KIF26B: variants seen among roughly 807,000 people sequenced by gnomAD.
KIF26B encodes the protein kinesin family member 26B, also known as kinesin-like protein KIF26B.
A neutral mutation model predicts 151.2 loss-of-function variants in KIF26B; 63 were observed. That is an observed-to-expected ratio of 0.42 (90% confidence interval 0.34 to 0.51). The LOEUF (loss-of-function observed/expected upper bound fraction) is 0.51, where lower values mean the gene tolerates loss of function less well. KIF26B is among the 20% of genes least tolerant of loss of function. KIF26B has a pLI of 0.07. For synonymous variants in KIF26B, 1,357 were observed against 1,262.1 expected, an observed-to-expected ratio of 1.08 and a Z score of -1.59; for missense variants, 2,813 against 2,913.6, an observed-to-expected ratio of 0.97 and a Z score of 0.79.
rs1172397969 is a variant in KIF26B at position 245,374,059 on chromosome 1, CAAAAAAAAAAAAAAAAAAA to C, written c.999+6710_999+6728del. Among the ~76,000 whole-genome samples, 102 of 17,492 alleles carry C rather than the reference CAAAAAAAAAAAAAAAAAAA, an allele frequency of 5.8e-3. 4 individuals are homozygous for C. Among genetic ancestry groups the C allele is most frequent in the East Asian group, 0.055 (22 of 402 alleles). The allele number at this position is 17,492 out of a possible 152,430, so 11.5% of individuals were successfully genotyped here. ...GTGACAGAGACCCGAGAACCTATCT[CAAAAAAAAAAAAAAAAAAA>C]AAAAAAAAAAAAAAAAATATATATA... On this transcript the variant is annotated intron_variant, in intron 3 of 14. Coordinates refer to ENST00000407071, the MANE Select transcript of KIF26B (RefSeq NM_018012.4).
chr1:245,264,964 C>A (rs1436924877), intron 2 of KIF26B, among the ~76,000 whole-genome samples: 1 of 151,392 alleles, frequency 6.6e-6, no homozygotes, highest in Admixed American at 6.6e-5. Flanking sequence ...CTTTGGGAGG[C>A]CGAGGCGGGC....
At chr1:245,187,677 C>T (rs1403952810) in intron 2 of KIF26B, among the ~76,000 whole-genome samples, 2 of 152,040 alleles carry the variant, frequency 1.3e-5, no homozygotes. Flanking sequence ...TTGGAAGGCT[C>T]TTGGTGTTTC....
intron 2 of KIF26B, among the ~76,000 whole-genome samples, chr1:245,215,117 C>T (rs1390472941): frequency 3.3e-5 from 5 of 152,108 alleles, no homozygotes; most frequent in African/African-American, 4.8e-5. Context: ...CTTTCCCTTC[C>T]CAGACTAAAG....
At chr1:245,202,772 A>AC (rs948214146) in intron 2 of KIF26B, among the ~76,000 whole-genome samples, 3 of 149,060 alleles carry the variant, frequency 2.0e-5, no homozygotes, top group African/African-American at 7.4e-5. Context: ...AAAAAAAAAA[A>AC]AAAAAAAATA....
At chr1:245,157,596 G>T (rs958550763) in intron 2 of KIF26B, among the ~76,000 whole-genome samples, 1 of 152,208 alleles carries the variant, frequency 6.6e-6, no homozygotes, top group Non-Finnish European at 1.5e-5. Flanking sequence ...AGATACACAC[G>T]TTGATGTTTT....
chr1:245,575,154 C>T (rs1265314683), intron 5 of KIF26B, among the ~76,000 whole-genome samples: 3 of 151,416 alleles, frequency 2.0e-5, no homozygotes, highest in East Asian at 2.0e-4. Flanking sequence ...CTCAAGCCAC[C>T]GCGCCTGGCC....
chr1:245,160,195 G>A (rs112283704), intron 2 of KIF26B, among the ~76,000 whole-genome samples: 1,783 of 152,270 alleles, frequency 0.012, 23 homozygotes, highest in Non-Finnish European at 0.017. Flanking sequence ...GTGGCAGATT[G>A]TAAAACACTC....
intron 2 of KIF26B, among the ~76,000 whole-genome samples, chr1:245,202,667 G>A (rs1280899336): frequency 6.6e-6 from 1 of 150,440 alleles, no homozygotes; most frequent in Non-Finnish European, 1.5e-5. Context: ...GGCTGAGGCA[G>A]GAGAATGCCG....
rs2043529129 is a variant in KIF26B, at chr1:245,612,035, C to A, written c.2098+59C>A. Reference sequence around the variant, plus strand: ...GCGGCTCTGGCCCCAGCCAGAAATCCCTTGGGCAACCATGACCTTTGTGTG... The same window carrying A: ...GCGGCTCTGGCCCCAGCCAGAAATCACTTGGGCAACCATGACCTTTGTGTG... On this transcript the variant is annotated intron_variant, in intron 9 of 14. Coordinates refer to ENST00000407071, the MANE Select transcript of KIF26B (RefSeq NM_018012.4). 3.4e-6 allele frequency: 5 copies of A among 1,451,640 alleles called. No individual in the cohort carries two copies. The East Asian group carries it at 1.2e-4, about 34-fold the overall frequency. 89.9% of individuals were successfully genotyped at this position (1,451,640 alleles called of 1,614,324 possible). A position where few individuals can be genotyped will look rare whatever the true frequency, so the allele number is the denominator to read the frequency against.
chr1:245,229,935 C>T (rs1279998330), intron 2 of KIF26B, among the ~76,000 whole-genome samples: 7 of 151,946 alleles, frequency 4.6e-5, no homozygotes, highest in Non-Finnish European at 8.8e-5. Context: ...GAGTTCGAGA[C>T]CAGCCTGGCC....
At position 245,698,049 on chromosome 1, in the gene KIF26B, C is replaced by A. The variant is rs1174875514; in HGVS notation, c.5825-57C>A. 2.6e-6 allele frequency: 4 copies of A among 1,519,346 alleles called. No homozygotes were observed. The highest frequency in any genetic ancestry group is 3.6e-6 in the Non-Finnish European group (4 of 1,121,108). The allele number at this position is 1,519,346 out of a possible 1,614,324, so 94.1% of individuals were successfully genotyped here. On this transcript the variant is annotated intron_variant, in intron 12 of 14. Transcript: ENST00000407071. The surrounding 1 kb of genome is among the most constrained non-coding windows in gnomAD (Gnocchi z 4.0). ...AGAGCAAGACCCTGTCTCAAAAAAA[C>A]AACAAAAAAATTGAAATTCAGAAAG...
At chr1:245,303,262 G>C (rs1385729926) in intron 2 of KIF26B, among the ~76,000 whole-genome samples, 3 of 144,694 alleles carry the variant, frequency 2.1e-5, no homozygotes, top group South Asian at 2.2e-4. Context: ...GCAGTGGCGC[G>C]ATCTCGGCTC....
chr1:245,651,727 A>T (rs758300039), intron 10 of KIF26B, among the ~76,000 whole-genome samples: 1 of 152,108 alleles, frequency 6.6e-6, no homozygotes, highest in Non-Finnish European at 1.5e-5. Context: ...TTCTCATAGG[A>T]ACCTCATGCT....
At chr1:245,387,042 A>G (rs1185933377) in intron 3 of KIF26B, among the ~76,000 whole-genome samples, 1 of 152,230 alleles carries the variant, frequency 6.6e-6, no homozygotes. Flanking sequence ...AGAATGCTTC[A>G]TAGCTTTGAA....
At chr1:245,311,194 C>T (rs533374151) in intron 2 of KIF26B, among the ~76,000 whole-genome samples, 18 of 152,218 alleles carry the variant, frequency 1.2e-4, no homozygotes, top group Admixed American at 2.0e-4. Context: ...TTTCAGATGA[C>T]CCGCATCTCT....
At position 245,390,943 on chromosome 1, in the gene KIF26B, A is replaced by AACAAAACAAAACAAAACAAAACAAAAC. The variant is rs1553270125; in HGVS notation, c.999+23577_999+23578insCAAAACAAAACAAAACAAAACAAAACA. Among the ~76,000 whole-genome samples the AACAAAACAAAACAAAACAAAACAAAAC allele has an allele frequency of 3.4e-4, 40 of 118,458 alleles. 4 individuals carry two copies. The highest frequency in any genetic ancestry group is 1.6e-3 in the African/African-American group (40 of 24,448). 77.7% of individuals were successfully genotyped at this position (118,458 alleles called of 152,430 possible). ...TCTCAAAAAAAAAAAAAAAAAAAAA[A>AACAAAACAAAACAAAACAAAACAAAAC]AAAAAAAAACCACCATAAAATTTTG... On this transcript the variant is annotated intron_variant, in intron 3 of 14. Transcript: ENST00000407071.
intron 5 of KIF26B, among the ~76,000 whole-genome samples, chr1:245,570,124 G>C (rs1011761350): frequency 2.0e-5 from 3 of 151,676 alleles, no homozygotes; most frequent in African/African-American, 7.3e-5. Flanking sequence ...TTTTAGTAGA[G>C]ACGGGGTTTC....
chr1:245,435,726 C>T (rs1658912740), intron 4 of KIF26B, among the ~76,000 whole-genome samples: 2 of 152,208 alleles, frequency 1.3e-5, no homozygotes, highest in Non-Finnish European at 2.9e-5. Flanking sequence ...TTCCAGTGCA[C>T]TGTGGAAGTC....
Position 245,336,492 on chromosome 1 carries a change from C to T in KIF26B, c.466-30342C>T, listed in dbSNP as rs77558128. 1.3e-3 allele frequency among the ~76,000 whole-genome samples: 196 copies of T among 152,270 alleles called. 2 individuals carry two copies. The highest frequency in any genetic ancestry group is 4.5e-3 in the African/African-American group (187 of 41,560). On this transcript the variant is annotated intron_variant, in intron 2 of 14. Transcript: ENST00000407071. Reference sequence around the variant, plus strand: ...CCTTGATCTGCTCTGGGGAGGGATGCTGTTTTGCCTTTCTTCACGCACGTG... The same window carrying T: ...CCTTGATCTGCTCTGGGGAGGGATGTTGTTTTGCCTTTCTTCACGCACGTG...
Sources: allele counts gnomAD v4.1 joint callset (sites outside exome capture counted in the v4.1 genomes callset), GRCh38; gene constraint gnomAD v4.1.1; non-coding constraint Gnocchi (gnomAD v3.1); transcripts MANE v1.5; gene names NCBI Gene and HGNC (gene_info 2026-07-23, HGNC 2026-07-21).